Variants in PDK1 observed in about 807,000 individuals in gnomAD.
PDK1 encodes [Pyruvate dehydrogenase (acetyl-transferring)] kinase isozyme 1, mitochondrial.
A neutral mutation model predicts 54.2 loss-of-function variants in PDK1; 39 were observed. The observed-to-expected ratio is 0.72, with a 90% CI of 0.56 to 0.94. The LOEUF is 0.94. Among genes scored for constraint, PDK1 ranks in the 40% least tolerant of loss-of-function variants. The pLI is 0.00. For missense variants in PDK1, 552 were observed against 566.0 expected, an observed-to-expected ratio of 0.98 and a Z score of 0.25; for synonymous variants, 221 against 207.1, an observed-to-expected ratio of 1.07 and a Z score of -0.58.
the PDK1 span, among the ~76,000 whole-genome samples, chr2:172,668,872 TACAC>T: frequency 1.9e-4 from 21 of 111,614 alleles, no homozygotes; most frequent in African/African-American, 3.8e-4. Context: ...TGTATGTATG[TACAC>T]ACACACACAC....
At chr2:172,572,751 A>G (rs1371499001) in intron 8 of PDK1, among the ~76,000 whole-genome samples, 1 of 152,140 alleles carries the variant, frequency 6.6e-6, no homozygotes, top group Non-Finnish European at 1.5e-5. Context: ...GAAAATACGC[A>G]GTACCTATGA....
rs1249386052 is a variant in PDK1 at position 172,556,214 on chromosome 2, G to A, written c.64G>A (p.Ala22Thr). ...CGGCCCGGGCCCGGGGCTGCGCGCC[G>A]CCGGCTTCAGCCGCAGCTTCAGCTC... ...LAGPGPGLRA[A>T]GFSRSFSSDS... Residue 22 changes from alanine to threonine, a missense_variant, in exon 1 of 11, where the codon GCC becomes ACC. Ala to Thr is a moderately conservative substitution (Grantham distance 58, BLOSUM62 0). Coordinates refer to ENST00000282077, the MANE Select transcript of PDK1 (RefSeq NM_002610.5). 1.4e-6 allele frequency: 2 copies of A among 1,419,418 alleles called. No homozygotes were observed. Among genetic ancestry groups the A allele is most frequent in the Non-Finnish European group, 9.1e-7 (1 of 1,094,374 alleles). The allele number at this position is 1,419,418 out of a possible 1,614,324, so 87.9% of individuals were successfully genotyped here. A position where few individuals can be genotyped will look rare whatever the true frequency, so the allele number is the denominator to read the frequency against.
the PDK1 span, among the ~76,000 whole-genome samples, chr2:172,675,519 A>G: frequency 6.6e-6 from 1 of 152,234 alleles, no homozygotes; most frequent in Non-Finnish European, 1.5e-5. Context: ...ACCAGCCGTA[A>G]CATTCCCTTC....
At chr2:172,556,080 C>T, upstream of PDK1, 1 of 1,195,950 alleles carries the variant, frequency 8.4e-7, no homozygotes, top group Non-Finnish European at 1.1e-6. Flanking sequence ...CGCCACGTCC[C>T]TCACGTACCA....
chr2:172,656,589 C>A, the PDK1 span, among the ~76,000 whole-genome samples: 2 of 152,140 alleles, frequency 1.3e-5, no homozygotes, highest in African/African-American at 2.4e-5. Flanking sequence ...TTAAAGAAAA[C>A]AAAGCCTCTA....
chr2:172,713,365 G>A, the PDK1 span, among the ~76,000 whole-genome samples: 3 of 152,286 alleles, frequency 2.0e-5, no homozygotes, highest in East Asian at 1.9e-4. Flanking sequence ...GGGTTTTATG[G>A]GGGACTAGCT....
chr2:172,688,861 C>CTGAAGGTGTGTCCAGAGTTGGAA, the PDK1 span, among the ~76,000 whole-genome samples: 1 of 152,184 alleles, frequency 6.6e-6, no homozygotes, highest in African/African-American at 2.4e-5. Flanking sequence ...GCATCTTCTG[C>CTGAAGGTGTGTCCAGAGTTGGAA]TGAAGGTGTG....
chr2:172,687,791 G>A, the PDK1 span, among the ~76,000 whole-genome samples: 1 of 152,292 alleles, frequency 6.6e-6, no homozygotes, highest in East Asian at 1.9e-4. Context: ...CCTGCATTGT[G>A]TAAAATCAGC....
the PDK1 span, among the ~76,000 whole-genome samples, chr2:172,684,285 G>A: frequency 6.6e-6 from 1 of 152,176 alleles, no homozygotes; most frequent in African/African-American, 2.4e-5. Flanking sequence ...AGCCAGGTGT[G>A]GTGGTGCATG....
At chr2:172,588,055 A>C (rs755652688) in intron 9 of PDK1, among the ~76,000 whole-genome samples, 27 of 152,246 alleles carry the variant, frequency 1.8e-4, no homozygotes, top group Non-Finnish European at 3.2e-4. Flanking sequence ...TGCCTGATGC[A>C]TAGCACAAAT....
chr2:172,608,030 A>G lies in PDK1; in HGVS notation c.*12061A>G, dbSNP rs1432816078. 6.6e-6 allele frequency: 1 copy of G among 152,242 alleles called. No individual in the cohort carries two copies. The highest frequency in any genetic ancestry group is 1.5e-5 in the Non-Finnish European group (1 of 68,042). 9.4% of individuals were successfully genotyped at this position (152,242 alleles called of 1,614,324 possible). A position where few individuals can be genotyped will look rare whatever the true frequency, so the allele number is the denominator to read the frequency against. ...AAAAATCTGAATAATAAAGTTTATT[A>G]ATAACAGTTTTAGTTAATACTTGAC... On this transcript the variant is annotated 3_prime_UTR_variant, in exon 11 of 11. Coordinates refer to ENST00000282077, the MANE Select transcript of PDK1 (RefSeq NM_002610.5).
At chr2:172,696,463 GCCTATAAAGTGTTGATGAAAGGCTATA>G in the PDK1 span, among the ~76,000 whole-genome samples, 1 of 152,164 alleles carries the variant, frequency 6.6e-6, no homozygotes, top group Non-Finnish European at 1.5e-5. Context: ...CTATATAACA[GCCTATAAAGTGTTGATGAAAGGCTATA>G]GAACATCTTT....
In PDK1 at chr2:172,608,552, C is replaced by T. The variant is rs1574558095; in HGVS notation, c.*12583C>T. The stretch of plus-strand genomic sequence containing the variant: ...CTGTAAGTCTATGTGAAACCAAATC[C>T]GTGGATTTACCAATGGCCATTTTAT... On this transcript the variant is annotated 3_prime_UTR_variant, in exon 11 of 11. Coordinates refer to ENST00000282077, the MANE Select transcript of PDK1 (RefSeq NM_002610.5). 1.3e-5 allele frequency: 2 copies of T among 152,076 alleles called. 1 individual carries two copies. The highest frequency in any genetic ancestry group is 2.9e-5 in the Non-Finnish European group (2 of 68,010). The allele number at this position is 152,076 out of a possible 1,614,324, so 9.4% of individuals were successfully genotyped here. A position where few individuals can be genotyped will look rare whatever the true frequency, so the allele number is the denominator to read the frequency against.
rs935230472 is a variant in PDK1, at chr2:172,598,592, A to G, written c.*2623A>G. On this transcript the variant is annotated 3_prime_UTR_variant, in exon 11 of 11. Transcript: ENST00000282077. ...ACCTGAGCAGTTAATGAATGTGCCA[A>G]CATTTTCTAGGAAGGGACAGCAAGA... The G allele has an allele frequency of 2.6e-5, 4 of 152,212 alleles. No homozygotes were observed. The highest frequency in any genetic ancestry group is 2.1e-4 in the South Asian group (1 of 4,834). 9.4% of individuals were successfully genotyped at this position (152,212 alleles called of 1,614,324 possible).
At chr2:172,583,328 G>A (rs1422704592) in intron 8 of PDK1, among the ~76,000 whole-genome samples, 1 of 110,118 alleles carries the variant, frequency 9.1e-6, no homozygotes, top group East Asian at 3.0e-4. Flanking sequence ...GCAGAGTCTC[G>A]CTCTGTCACC....
chr2:172,704,902 G>A, the PDK1 span, among the ~76,000 whole-genome samples: 5 of 152,030 alleles, frequency 3.3e-5, no homozygotes, highest in African/African-American at 9.7e-5. Flanking sequence ...AATATCAACC[G>A]AATACAAAGA....
the PDK1 span, among the ~76,000 whole-genome samples, chr2:172,660,245 CTCTTTTTTTTTTTT>C: frequency 5.4e-5 from 3 of 55,630 alleles, no homozygotes; most frequent in Non-Finnish European, 1.0e-4. Flanking sequence ...CTCTCTCTCT[CTCTTTTTTTTTTTT>C]TTTTTTTTTT....
rs1688313697 is a variant in PDK1, at chr2:172,556,251, C to T, written c.101C>T (p.Ser34Phe). The T allele has an allele frequency of 5.4e-6, 8 of 1,473,912 alleles. No homozygotes were observed. The South Asian group carries it at 9.1e-5, about 17-fold the overall frequency. 91.3% of individuals were successfully genotyped at this position (1,473,912 alleles called of 1,614,324 possible). The change falls in exon 1 of 11, where the codon TCC becomes TTC. Residue 34 changes from serine (S) to phenylalanine (F), a missense_variant. Transcript: ENST00000282077. The stretch of plus-strand genomic sequence containing the variant: ...CGCAGCTTCAGCTCGGACTCGGGCT[C>T]CAGCCCGGCGTCCGAGCGCGGCGTT... ...FSRSFSSDSG[S>F]SPASERGVPG... is the part of the protein sequence containing the mutation.
the PDK1 span, among the ~76,000 whole-genome samples, chr2:172,713,947 C>T: frequency 6.6e-6 from 1 of 152,372 alleles, no homozygotes; most frequent in African/African-American, 2.4e-5. Flanking sequence ...ACAAGAGCTG[C>T]ACAGACACCT....
Sources: gnomAD v4.1 joint callset for allele counts (sites outside exome capture counted in the v4.1 genomes callset) on GRCh38, gnomAD v4.1.1 for gene constraint, MANE v1.5 for transcripts, NCBI Gene and HGNC (gene_info 2026-07-23, HGNC 2026-07-21) for gene names.